Variants in COP1 observed in about 807,000 individuals in gnomAD.
COP1 encodes the protein COP1 E3 ubiquitin ligase, also known as E3 ubiquitin-protein ligase COP1.
A neutral mutation model predicts 101.3 loss-of-function variants in COP1; 24 were observed. That is an observed-to-expected ratio of 0.24 (90% CI 0.17 to 0.33). The LOEUF (loss-of-function observed/expected upper bound fraction) is 0.33. Among genes scored for constraint, COP1 ranks in the 10% least tolerant of loss-of-function variants. COP1 has a pLI of 1.00. For missense variants in COP1, 663 were observed against 906.2 expected (o/e 0.73, Z 3.45); for synonymous variants, 347 against 341.9 (o/e 1.01, Z -0.17).
intron 5 of COP1, 63 bp from the exon 6 acceptor site, chr1:176,149,137 C>T (rs966332603): frequency 1.9e-6 from 2 of 1,040,582 alleles, no homozygotes; most frequent in South Asian, 1.5e-5. Context: ...TTTTCTTTAA[C>T]ACCATAGCAT....
At chr1:176,006,087 C>T (rs1169853817) in intron 15 of COP1, among the ~76,000 whole-genome samples, 2 of 152,120 alleles carry the variant, frequency 1.3e-5, no homozygotes, top group Non-Finnish European at 2.9e-5. Context: ...GAATTGATCC[C>T]TTTACCATTA....
intron 18 of COP1, among the ~76,000 whole-genome samples, chr1:175,953,764 T>TAAAA: frequency 8.0e-6 from 1 of 125,148 alleles, no homozygotes; most frequent in African/African-American, 3.1e-5. Context: ...GGTCAACTTA[T>TAAAA]AAAAAAAAAA....
At chr1:176,164,754 T>C (rs144288723) in intron 3 of COP1, among the ~76,000 whole-genome samples, 59 of 152,350 alleles carry the variant, frequency 3.9e-4, no homozygotes, top group African/African-American at 1.3e-3. Context: ...CGTGAATCGA[T>C]ACATTTTCCA....
intron 1 of COP1, among the ~76,000 whole-genome samples, chr1:176,191,538 T>G (rs1434625399): frequency 6.6e-6 from 1 of 151,192 alleles, no homozygotes; most frequent in African/African-American, 2.4e-5. Flanking sequence ...GCATCCAAAT[T>G]CAACTGGCCC....
intron 18 of COP1, 94 bp downstream of exon 18, chr1:175,986,849 A>T: frequency 9.9e-7 from 1 of 1,006,592 alleles, no homozygotes; most frequent in Non-Finnish European, 1.4e-6. Context: ...TACATACCAC[A>T]TACCAATTTA....
At chr1:175,980,211 G>A (rs910871339) in intron 18 of COP1, among the ~76,000 whole-genome samples, 3 of 124,048 alleles carry the variant, frequency 2.4e-5, no homozygotes, top group Non-Finnish European at 3.7e-5. Flanking sequence ...TAGGTAGCCT[G>A]GCTCTGCTCT....
intron 1 of COP1, among the ~76,000 whole-genome samples, chr1:176,185,681 G>T (rs1698355253): frequency 6.6e-6 from 1 of 152,174 alleles, no homozygotes; most frequent in African/African-American, 2.4e-5. Flanking sequence ...TGACCATGAA[G>T]ACAAAAACCT....
intron 18 of COP1, among the ~76,000 whole-genome samples, chr1:175,975,434 G>T (rs1008080162): frequency 1.3e-5 from 2 of 151,998 alleles, no homozygotes; most frequent in Non-Finnish European, 2.9e-5. Context: ...TTGAGACAGG[G>T]TTTCACACTT....
rs138028795 is a variant in COP1 at position 175,992,048 on chromosome 1, G to A, written c.1730-2569C>T. 5.9e-5 allele frequency among the ~76,000 whole-genome samples: 9 copies of A among 152,244 alleles called. No individual in the cohort carries two copies. In the East Asian group the frequency reaches 9.6e-4, roughly 16 times the overall value. ...CTTTATCAAGTATTGTGTAGTATAC[G>A]TAATCGTATGTGCTAGACTTTTTGA... On this transcript the variant is annotated intron_variant, in intron 15 of 19. Transcript: ENST00000367669.
chr1:176,045,808 T>C (rs900670130), intron 12 of COP1, among the ~76,000 whole-genome samples: 1 of 151,994 alleles, frequency 6.6e-6, no homozygotes, highest in Non-Finnish European at 1.5e-5. Context: ...AATTCTAATA[T>C]GTTGAGATAT....
chr1:176,183,915 T>C (rs1282912672), intron 2 of COP1, among the ~76,000 whole-genome samples: 1 of 152,066 alleles, frequency 6.6e-6, no homozygotes, highest in Non-Finnish European at 1.5e-5. Context: ...AGTAGAATGG[T>C]GGCTGCCAGG....
At chr1:176,053,389 T>C (rs72713274) in intron 11 of COP1, among the ~76,000 whole-genome samples, 2,290 of 152,312 alleles carry the variant, frequency 0.015, 24 homozygotes, top group Middle Eastern at 0.027. Context: ...ATATGTGTCC[T>C]TGATGCTCCT....
At chr1:175,977,029 A>G (rs1254306254) in intron 18 of COP1, among the ~76,000 whole-genome samples, 2 of 109,286 alleles carry the variant, frequency 1.8e-5, no homozygotes, top group African/African-American at 2.8e-5. Flanking sequence ...TTTCACAAAG[A>G]TATGTTTGGT....
intron 9 of COP1, among the ~76,000 whole-genome samples, chr1:176,115,921 T>A (rs1310137139): frequency 6.6e-6 from 1 of 152,188 alleles, no homozygotes; most frequent in Non-Finnish European, 1.5e-5. Context: ...CTCAAGACTG[T>A]GGTCTTTATT....
chr1:176,201,879 T>C (rs1237002673), intron 1 of COP1, among the ~76,000 whole-genome samples: 1 of 152,220 alleles, frequency 6.6e-6, no homozygotes, highest in African/African-American at 2.4e-5. Context: ...CTTTTGCAGA[T>C]TCAAATAAGT....
chr1:175,988,800 T>G (rs1657738271), intron 16 of COP1: 1 of 160,306 alleles, frequency 6.2e-6, no homozygotes. Flanking sequence ...ACCACTGCAC[T>G]CCAGCCTGGG....
rs150635724 is a variant in COP1, at chr1:176,203,849, C to T, written c.407+2723G>A. The stretch of plus-strand genomic sequence containing the variant: ...CAATGTTTATTACTGAAATTAGGTA[C>T]GTGACTATTTAAATCAACAGTTCTC... On this transcript the variant is annotated intron_variant, in intron 1 of 19. Transcript: ENST00000367669. 2.6e-3 allele frequency among the ~76,000 whole-genome samples: 401 copies of T among 152,170 alleles called. 3 individuals are homozygous for T. Among genetic ancestry groups the T allele is most frequent in the African/African-American group, 9.2e-3 (382 of 41,498 alleles).
intron 1 of COP1, among the ~76,000 whole-genome samples, chr1:176,193,954 T>G (rs774474639): frequency 2.6e-5 from 4 of 152,208 alleles, no homozygotes; most frequent in Non-Finnish European, 4.4e-5. Context: ...TTCACCTCAT[T>G]TTTTTAAACA....
At chr1:176,020,067 T>C (rs888868036) in intron 15 of COP1, among the ~76,000 whole-genome samples, 5 of 151,448 alleles carry the variant, frequency 3.3e-5, no homozygotes, top group African/African-American at 1.2e-4. Context: ...GGCTCACGTC[T>C]ATAATCCCAG....
Sources: gnomAD v4.1 joint callset for allele counts (sites outside exome capture counted in the v4.1 genomes callset) on GRCh38, gnomAD v4.1.1 for gene constraint, MANE v1.5 for transcripts, NCBI Gene and HGNC (gene_info 2026-07-23, HGNC 2026-07-21) for gene names.